SORCS3: variants seen among roughly 807,000 people sequenced by gnomAD.
SORCS3 encodes VPS10 domain-containing receptor SorCS3.
In SORCS3, 57 loss-of-function variants were observed where a neutral mutation model predicts 146.3. The observed-to-expected ratio is 0.39, with a 90% CI of 0.31 to 0.49. SORCS3 has a LOEUF of 0.49. Among genes scored for constraint, SORCS3 ranks in the 20% least tolerant of loss-of-function variants. The probability of loss-of-function intolerance (pLI) is 0.92; values close to 1 mark genes in which losing one functional copy is unlikely to be tolerated. For synonymous variants in SORCS3, 653 were observed against 618.5 expected (o/e 1.06, Z -0.83); for missense variants, 1,341 against 1,575.5 (o/e 0.85, Z 2.52).
At chr10:105,189,692 T>C (rs935444322) in intron 14 of SORCS3, among the ~76,000 whole-genome samples, 42 of 152,210 alleles carry the variant, frequency 2.8e-4, no homozygotes, top group African/African-American at 9.6e-4. Context: ...AAGAAAGAGC[T>C]GGCTGTCAAG....
intron 1 of SORCS3, among the ~76,000 whole-genome samples, chr10:104,791,721 G>A (rs913526521): frequency 4.6e-5 from 7 of 152,162 alleles, no homozygotes; most frequent in African/African-American, 1.7e-4. Flanking sequence ...CTGCAGTGTG[G>A]ATGACTGAGG....
chr10:105,140,327 G>T (rs1336607245), intron 8 of SORCS3, among the ~76,000 whole-genome samples: 1 of 149,892 alleles, frequency 6.7e-6, no homozygotes, highest in Non-Finnish European at 1.5e-5. Flanking sequence ...ATTAATTTAT[G>T]CATGCGTGTA....
chr10:104,963,922 C>T (rs1385450353), intron 3 of SORCS3, among the ~76,000 whole-genome samples: 1 of 152,140 alleles, frequency 6.6e-6, no homozygotes, highest in African/African-American at 2.4e-5. Flanking sequence ...CTTTCTCTGA[C>T]ACTCTACATC....
chr10:104,651,280 A>T (rs2015555186), intron 1 of SORCS3, among the ~76,000 whole-genome samples: 1 of 152,198 alleles, frequency 6.6e-6, no homozygotes, highest in African/African-American at 2.4e-5. Flanking sequence ...GAAGGTCCCT[A>T]AGCCACAGCA....
chr10:104,932,994 G>C (rs572434767), intron 3 of SORCS3, among the ~76,000 whole-genome samples: 1 of 152,288 alleles, frequency 6.6e-6, no homozygotes, highest in East Asian at 1.9e-4. Context: ...GCCTCAAAAA[G>C]TGATAGGATT....
At chr10:105,004,000 C>CTTTTTTTTTTTTTTTTTTTTTTTT (rs1226455197) in intron 4 of SORCS3, among the ~76,000 whole-genome samples, 8 of 140,228 alleles carry the variant, frequency 5.7e-5, no homozygotes, top group Non-Finnish European at 1.2e-4. Context: ...TCTTCTCTCT[C>CTTTTTTTTTTTTTTTTTTTTTTTT]TTTTTTTTTT....
intron 14 of SORCS3, among the ~76,000 whole-genome samples, chr10:105,187,199 G>A (rs114218803): frequency 4.0e-4 from 61 of 151,732 alleles, no homozygotes; most frequent in African/African-American, 1.4e-3. Context: ...TCTCTTTCTC[G>A]GTTTTCCTTC....
intron 3 of SORCS3, among the ~76,000 whole-genome samples, chr10:104,929,304 C>T (rs759780300): frequency 3.3e-5 from 5 of 152,184 alleles, no homozygotes; most frequent in African/African-American, 2.4e-5. Context: ...TTAAATGAGC[C>T]TCTCTTCGGC....
chr10:104,832,055 T>C (rs2496017), intron 1 of SORCS3, among the ~76,000 whole-genome samples: 37,338 of 152,116 alleles, frequency 0.25, 5,316 homozygotes, highest in African/African-American at 0.39. Flanking sequence ...TTTGTATTTC[T>C]TTTGCCCTTA....
chr10:104,760,117 C>A (rs1248095788), intron 1 of SORCS3, among the ~76,000 whole-genome samples: 2 of 152,120 alleles, frequency 1.3e-5, no homozygotes, highest in African/African-American at 4.8e-5. Flanking sequence ...AGAGGAGGGA[C>A]CTGTCCTGGT....
chr10:105,115,056 G>A (rs147567838), intron 7 of SORCS3, among the ~76,000 whole-genome samples: 128 of 152,190 alleles, frequency 8.4e-4, no homozygotes, highest in Non-Finnish European at 1.5e-3. Context: ...AGTATGCCAG[G>A]TGCAATGGAG....
chr10:105,060,673 T>C (rs2133717686), intron 5 of SORCS3, among the ~76,000 whole-genome samples: 1 of 152,234 alleles, frequency 6.6e-6, no homozygotes, highest in East Asian at 1.9e-4. Flanking sequence ...GCGCGGTGGC[T>C]CAAACCTGTA....
At chr10:104,666,840 A>G (rs1164474140) in intron 1 of SORCS3, among the ~76,000 whole-genome samples, 1 of 151,968 alleles carries the variant, frequency 6.6e-6, no homozygotes, top group African/African-American at 2.4e-5. Context: ...TGTATTTTAT[A>G]TGCATTTCTT....
intron 5 of SORCS3, among the ~76,000 whole-genome samples, chr10:105,067,411 C>T (rs2055529478): frequency 6.6e-6 from 1 of 152,164 alleles, no homozygotes; most frequent in South Asian, 2.1e-4. Context: ...CCGGTATTCC[C>T]AGGTACTCAG....
chr10:104,946,837 A>G (rs184322733), intron 3 of SORCS3, among the ~76,000 whole-genome samples: 1 of 152,228 alleles, frequency 6.6e-6, no homozygotes, highest in Non-Finnish European at 1.5e-5. Context: ...TAATAGGTTT[A>G]TGTTTCTTTA....
At chr10:104,978,991 T>G (rs1336713211) in intron 4 of SORCS3, among the ~76,000 whole-genome samples, 1 of 152,188 alleles carries the variant, frequency 6.6e-6, no homozygotes, top group Non-Finnish European at 1.5e-5. Flanking sequence ...TCCCTGTGCC[T>G]GGAATTCTCT....
intron 3 of SORCS3, among the ~76,000 whole-genome samples, chr10:104,945,589 T>G (rs1269320502): frequency 6.7e-6 from 1 of 149,764 alleles, no homozygotes; most frequent in African/African-American, 2.5e-5. Context: ...TTTTTAATCA[T>G]GGAAGTGAAT....
chr10:105,224,284 ACT>A, intron 20 of SORCS3, among the ~76,000 whole-genome samples: 1 of 152,144 alleles, frequency 6.6e-6, no homozygotes, highest in Admixed American at 6.5e-5. Context: ...TGATATTTTT[ACT>A]GTCTCTGTAG....
In SORCS3 at chr10:104,796,728, A is replaced by G. The variant is rs577590314; in HGVS notation, c.628-46064A>G. The stretch of plus-strand genomic sequence containing the variant: ...TTGTGAAGAAGGTGGCACATGAATA[A>G]TTTAAGTTTTGGAAACATTGCCATT... On this transcript the variant is annotated intron_variant, in intron 1 of 26. Transcript: ENST00000369701. Among the ~76,000 whole-genome samples the G allele has an allele frequency of 2.6e-5, 4 of 152,344 alleles. No individual in the cohort carries two copies. In the South Asian group the frequency reaches 8.3e-4, roughly 32 times the overall value.
Sources: allele counts gnomAD v4.1 joint callset (sites outside exome capture counted in the v4.1 genomes callset), GRCh38; gene constraint gnomAD v4.1.1; transcripts MANE v1.5; gene names NCBI Gene and HGNC (gene_info 2026-07-23, HGNC 2026-07-21).